The following ULK2 variants were observed in gnomAD, a reference collection of about 807,000 sequenced individuals.
ULK2 encodes the protein unc-51 like autophagy activating kinase 2.
ULK2 carries 76 observed loss-of-function variants against 127.5 expected under a neutral mutation model. The ratio of observed to expected loss-of-function variants is 0.60; its 90% CI spans 0.50 to 0.72. The LOEUF is 0.72. ULK2 is among the 30% of genes least tolerant of loss of function. The pLI, the probability that ULK2 is intolerant of heterozygous loss-of-function variation, is 0.00. For missense variants in ULK2, 1,144 were observed against 1,295.9 expected, an observed-to-expected ratio of 0.88 and a Z score of 1.80; for synonymous variants, 452 against 461.9, an observed-to-expected ratio of 0.98 and a Z score of 0.28.
chr17:19,813,367 T>TGA (rs1430926564), intron 13 of ULK2, among the ~76,000 whole-genome samples: 1 of 151,878 alleles, frequency 6.6e-6, no homozygotes, highest in East Asian at 1.9e-4. Context: ...ATTTAAAACA[T>TGA]GAGAGCATAA....
chr17:19,826,269 T>C, intron 10 of ULK2, 83 bp from the exon 11 acceptor site: 1 of 793,922 alleles, frequency 1.3e-6, no homozygotes, highest in South Asian at 2.9e-5. Context: ...ACGTATTCAA[T>C]ATAATGTCTT....
intron 3 of ULK2, among the ~76,000 whole-genome samples, chr17:19,853,761 T>C (rs929518455): frequency 1.3e-5 from 2 of 151,632 alleles, no homozygotes; most frequent in African/African-American, 2.4e-5. Context: ...TTAGTAGAGA[T>C]GGGGTTTCAC....
At chr17:19,812,068 A>G (rs1022262530) in intron 13 of ULK2, among the ~76,000 whole-genome samples, 3 of 152,184 alleles carry the variant, frequency 2.0e-5, no homozygotes, top group Admixed American at 2.0e-4. Flanking sequence ...ACCCAAGAAG[A>G]TAGAACCTTA....
chr17:19,817,786 A>G (rs575744003), intron 12 of ULK2, among the ~76,000 whole-genome samples: 1 of 152,224 alleles, frequency 6.6e-6, no homozygotes, highest in South Asian at 2.1e-4. Context: ...CTTTAAACCC[A>G]AGCCTTAAAT....
Position 19,849,674 on chromosome 17 carries a change from T to C in ULK2, c.258+68A>G. 7 of 1,107,992 alleles carry C rather than the reference T, an allele frequency of 6.3e-6. No homozygotes were observed. In the South Asian group the frequency reaches 6.4e-5, roughly 10 times the overall value. The allele number at this position is 1,107,992 out of a possible 1,614,324, so 68.6% of individuals were successfully genotyped here. On this transcript the variant is annotated intron_variant, in intron 4 of 26. Coordinates refer to ENST00000395544, the MANE Select transcript of ULK2 (RefSeq NM_014683.4). Reference sequence around the variant, plus strand: ...AAAGGATTTGAAATATGCAGATTTATGCTAGAATCTAAAAAAAAAAAAAAA... The same window carrying C: ...AAAGGATTTGAAATATGCAGATTTACGCTAGAATCTAAAAAAAAAAAAAAA...
chr17:19,813,530 T>C (rs771353276), intron 13 of ULK2, among the ~76,000 whole-genome samples: 3 of 152,210 alleles, frequency 2.0e-5, no homozygotes, highest in Non-Finnish European at 4.4e-5. Context: ...ATAACTGTTT[T>C]AAACATCTTG....
chr17:19,861,729 C>T lies in ULK2; in HGVS notation c.225+3074G>A, dbSNP rs1208274424. Among the ~76,000 whole-genome samples, 13 of 152,306 alleles carry T rather than the reference C, an allele frequency of 8.5e-5. No homozygotes were observed. In the East Asian group the frequency reaches 2.5e-3, roughly 29 times the overall value. ...TATCTACAGAGACTAAGACAAACTA[C>T]ACAAACAGCAGTGAGGAGAACCAAC... On this transcript the variant is annotated intron_variant, in intron 3 of 26. Coordinates refer to ENST00000395544, the MANE Select transcript of ULK2 (RefSeq NM_014683.4).
At chr17:19,843,660 CTTT>C (rs1186486092) in intron 7 of ULK2, among the ~76,000 whole-genome samples, 2 of 135,262 alleles carry the variant, frequency 1.5e-5, no homozygotes, top group East Asian at 2.1e-4. Context: ...AATATTTTTT[CTTT>C]TTTTTTTTTT....
At chr17:19,853,261 G>A (rs1382781809) in intron 3 of ULK2, among the ~76,000 whole-genome samples, 2 of 151,130 alleles carry the variant, frequency 1.3e-5, no homozygotes, top group East Asian at 2.0e-4. Context: ...CAGCACCCCC[G>A]AGTAGCTAGG....
intron 20 of ULK2, among the ~76,000 whole-genome samples, chr17:19,795,179 T>A (rs1421341529): frequency 6.6e-6 from 1 of 151,772 alleles, no homozygotes; most frequent in Non-Finnish European, 1.5e-5. Flanking sequence ...ACAGGCCAAG[T>A]AATCTAGATA....
chr17:19,777,530 T>TA, intron 26 of ULK2, 51 bp downstream of exon 26: 1 of 1,556,832 alleles, frequency 6.4e-7, no homozygotes, highest in Middle Eastern at 1.8e-4. Flanking sequence ...ATGCTTGTGA[T>TA]AGACAACTAA....
chr17:19,807,463 G>A (rs528157696), intron 14 of ULK2, among the ~76,000 whole-genome samples: 4 of 152,248 alleles, frequency 2.6e-5, no homozygotes, highest in African/African-American at 9.6e-5. Flanking sequence ...CCATGCCTAT[G>A]CCTATTTTTT....
intron 15 of ULK2, among the ~76,000 whole-genome samples, chr17:19,802,315 C>T (rs753767584): frequency 1.9e-4 from 29 of 152,140 alleles, no homozygotes; most frequent in Non-Finnish European, 3.8e-4. Flanking sequence ...TTAAAAATTA[C>T]TGAAGACCCC....
chr17:19,801,741 A>T, intron 16 of ULK2, 36 bp downstream of exon 16: 1 of 1,606,822 alleles, frequency 6.2e-7, no homozygotes, highest in Non-Finnish European at 8.5e-7. Context: ...ACAGTGAAAA[A>T]AAGGTTGAAA....
Position 19,867,426 on chromosome 17 carries a change from C to T in ULK2, c.-9G>A, listed in dbSNP as rs773366503. On this transcript the variant is annotated 5_prime_UTR_variant, in exon 1 of 27. Transcript: ENST00000395544. ...TCACCCACCACCTCCATGGCCGCGC[C>T]CCCGGGGCACACAGCGGACGGGCGG... 1 of 1,586,702 alleles carries T rather than the reference C, an allele frequency of 6.3e-7. No individual in the cohort carries two copies. Among genetic ancestry groups the T allele is most frequent in the African/African-American group, 1.4e-5 (1 of 71,408 alleles).
At chr17:19,780,441 C>T (rs1225673403) in intron 25 of ULK2, 31 bp downstream of exon 25, 1 of 1,571,222 alleles carries the variant, frequency 6.4e-7, no homozygotes, top group South Asian at 1.2e-5. Flanking sequence ...ATAAGTAGTA[C>T]TATACAATAT....
intron 14 of ULK2, among the ~76,000 whole-genome samples, chr17:19,806,055 A>G (rs1443113477): frequency 6.6e-6 from 1 of 152,146 alleles, no homozygotes; most frequent in Non-Finnish European, 1.5e-5. Context: ...GTTTATCTAC[A>G]TCCTAAAAAC....
chr17:19,784,012 C>T (rs1170830230), intron 21 of ULK2, 107 bp from the exon 22 acceptor site: 7 of 1,039,400 alleles, frequency 6.7e-6, no homozygotes, highest in Admixed American at 4.2e-5. Context: ...AGGAAAGTTT[C>T]GTTAAAAGAA....
intron 20 of ULK2, among the ~76,000 whole-genome samples, chr17:19,788,761 G>A (rs767488904): frequency 1.3e-5 from 2 of 152,156 alleles, no homozygotes; most frequent in Non-Finnish European, 1.5e-5. Flanking sequence ...GCTGACTGAA[G>A]AGCCCTTGGG....
Sources: allele counts gnomAD v4.1 joint callset (sites outside exome capture counted in the v4.1 genomes callset), GRCh38; gene constraint gnomAD v4.1.1; transcripts MANE v1.5; gene names NCBI Gene and HGNC (gene_info 2026-07-23, HGNC 2026-07-21).